The following AKAP13 variants were observed in gnomAD, a reference collection of about 807,000 sequenced individuals.
AKAP13 encodes the protein A-kinase anchor protein 13.
In AKAP13, 80 loss-of-function variants were observed where a neutral mutation model predicts 264.5. The observed-to-expected ratio is 0.30, with a 90% CI of 0.25 to 0.36. The LOEUF is 0.36. AKAP13 is among the 10% of genes least tolerant of loss of function. The pLI is 1.00. For synonymous variants in AKAP13, 1,380 were observed against 1,250.2 expected (o/e 1.10, Z -2.19); for missense variants, 3,712 against 3,435.2 (o/e 1.08, Z -2.01).
chr15:85,538,585 G>A lies in AKAP13; in HGVS notation c.478+4705G>A, dbSNP rs1231600003. Among the ~76,000 whole-genome samples, 3 of 150,648 alleles carry A rather than the reference G, an allele frequency of 2.0e-5. No individual in the cohort carries two copies. The East Asian group carries it at 5.8e-4, about 29-fold the overall frequency. On this transcript the variant is annotated intron_variant, in intron 4 of 36. Transcript: ENST00000394518. ...GCTCACTGCAAGCTCCGCCTCCCAGGTTCATGCCATTCTCCTGCCTCAGCC... is the reference window on the plus strand; with the variant it reads ...GCTCACTGCAAGCTCCGCCTCCCAGATTCATGCCATTCTCCTGCCTCAGCC...
chr15:85,407,902 TAC>T, intron 1 of AKAP13, among the ~76,000 whole-genome samples: 1 of 151,668 alleles, frequency 6.6e-6, no homozygotes, highest in East Asian at 1.9e-4. Context: ...AGGAGGCCAT[TAC>T]CATAGTTTTG....
At chr15:85,501,034 T>C (rs1288450130) in intron 2 of AKAP13, among the ~76,000 whole-genome samples, 3 of 152,114 alleles carry the variant, frequency 2.0e-5, no homozygotes, top group Non-Finnish European at 4.4e-5. Flanking sequence ...ATTGTGGGAG[T>C]ATTTCCTACC....
chr15:85,554,619 T>C (rs2078075075), intron 5 of AKAP13, among the ~76,000 whole-genome samples: 1 of 152,184 alleles, frequency 6.6e-6, no homozygotes, highest in Non-Finnish European at 1.5e-5. Context: ...ACTCAGAAGT[T>C]GCCTTCTTTT....
intron 4 of AKAP13, among the ~76,000 whole-genome samples, chr15:85,540,560 T>C (rs1363379554): frequency 6.6e-6 from 1 of 152,150 alleles, no homozygotes; most frequent in Non-Finnish European, 1.5e-5. Context: ...AAAAATGAAG[T>C]TGAGTAACTC....
chr15:85,703,221 A>G (rs1186787408), intron 17 of AKAP13, among the ~76,000 whole-genome samples: 2 of 152,240 alleles, frequency 1.3e-5, no homozygotes, highest in Non-Finnish European at 2.9e-5. Context: ...CATTGCTTAT[A>G]TGAGAGAATA....
chr15:85,673,962 A>T (rs1452186876), intron 14 of AKAP13, among the ~76,000 whole-genome samples: 7 of 151,756 alleles, frequency 4.6e-5, no homozygotes, highest in Non-Finnish European at 1.0e-4. Context: ...AAGTGCTGGG[A>T]TTACAGGCGT....
intron 8 of AKAP13, among the ~76,000 whole-genome samples, chr15:85,624,161 A>G (rs2081308120): frequency 6.6e-6 from 1 of 152,226 alleles, no homozygotes; most frequent in African/African-American, 2.4e-5. Context: ...TACTAATTTT[A>G]TAACTTTGGG....
Position 85,619,717 on chromosome 15 carries a change from G to A in AKAP13, c.4162-19657G>A, listed in dbSNP as rs149922699. 3.0e-6 allele frequency: 3 copies of A among 1,005,956 alleles called. No individual in the cohort carries two copies. The East Asian group carries it at 3.0e-4, about 101-fold the overall frequency. The allele number at this position is 1,005,956 out of a possible 1,614,324, so 62.3% of individuals were successfully genotyped here. A position where few individuals can be genotyped will look rare whatever the true frequency, so the allele number is the denominator to read the frequency against. ...GTGTATCGGCCGTTATGCTTAGCCAGTTTATTCTTTATTTTTTTACTGGAG... is the reference window on the plus strand; with the variant it reads ...GTGTATCGGCCGTTATGCTTAGCCAATTTATTCTTTATTTTTTTACTGGAG... On this transcript the variant is annotated intron_variant, in intron 8 of 36. Transcript: ENST00000394518.
intron 29 of AKAP13, among the ~76,000 whole-genome samples, chr15:85,728,366 A>C (rs992467161): frequency 3.3e-5 from 5 of 152,230 alleles, no homozygotes; most frequent in African/African-American, 1.2e-4. Context: ...AAATATGGAC[A>C]GCTTTAGACC....
At chr15:85,537,791 G>A (rs569701113) in intron 4 of AKAP13, among the ~76,000 whole-genome samples, 2 of 152,310 alleles carry the variant, frequency 1.3e-5, no homozygotes, top group East Asian at 3.9e-4. Flanking sequence ...TTCTGATAAT[G>A]TGTGCTAGTT....
chr15:85,542,877 T>C (rs921242015), intron 4 of AKAP13, among the ~76,000 whole-genome samples: 2 of 152,182 alleles, frequency 1.3e-5, no homozygotes, highest in Admixed American at 6.5e-5. Flanking sequence ...ATCTACCTCT[T>C]CTCATTTGTT....
intron 1 of AKAP13, among the ~76,000 whole-genome samples, chr15:85,399,096 T>C (rs569299145): frequency 1.3e-5 from 2 of 152,322 alleles, no homozygotes; most frequent in Admixed American, 6.5e-5. Context: ...TTCATAGATA[T>C]TGTCAAGTTG....
At chr15:85,725,083 T>A (rs1384412708) in intron 26 of AKAP13, among the ~76,000 whole-genome samples, 3 of 152,222 alleles carry the variant, frequency 2.0e-5, no homozygotes, top group Non-Finnish European at 4.4e-5. Flanking sequence ...CGCTTTATTC[T>A]TTCCTTTACA....
chr15:85,698,178 A>G (rs2085672841), intron 17 of AKAP13, among the ~76,000 whole-genome samples: 2 of 152,084 alleles, frequency 1.3e-5, no homozygotes, highest in Admixed American at 6.6e-5. Flanking sequence ...ATAAAGAGAG[A>G]ATATAAGGGC....
chr15:85,513,409 G>A (rs2076507427), intron 2 of AKAP13, among the ~76,000 whole-genome samples: 1 of 151,950 alleles, frequency 6.6e-6, no homozygotes, highest in Non-Finnish European at 1.5e-5. Context: ...AACTTTTAAT[G>A]TGGACATAAT....
intron 27 of AKAP13, 149 bp from the exon 28 acceptor site, chr15:85,726,914 TAAG>T: frequency 5.2e-6 from 4 of 765,020 alleles, no homozygotes; most frequent in Non-Finnish European, 6.3e-6. Flanking sequence ...CTGAATGAAA[TAAG>T]GAGATACTTC....
At chr15:85,404,167 A>G (rs2071561447) in intron 1 of AKAP13, among the ~76,000 whole-genome samples, 1 of 152,250 alleles carries the variant, frequency 6.6e-6, no homozygotes. Flanking sequence ...GGACTGACCA[A>G]GATTGAAGCA....
chr15:85,394,453 G>C lies in AKAP13; in HGVS notation c.-12+13655G>C, dbSNP rs75483499. ...CTTGATTCATCCCTTTGAGCATTTT[G>C]AAGGCCAGGATGTTGTTGGAGCAGA... On this transcript the variant is annotated intron_variant, in intron 1 of 36. Coordinates refer to ENST00000394518, the MANE Select transcript of AKAP13 (RefSeq NM_007200.5). 4.7e-4 allele frequency among the ~76,000 whole-genome samples: 72 copies of C among 152,346 alleles called. 1 individual carries two copies. The highest frequency in any genetic ancestry group is 1.3e-3 in the African/African-American group (56 of 41,584).
chr15:85,542,194 G>A (rs2077599882), intron 4 of AKAP13, among the ~76,000 whole-genome samples: 1 of 152,208 alleles, frequency 6.6e-6, no homozygotes, highest in South Asian at 2.1e-4. Context: ...TGCCATCTGC[G>A]CAGAGGTGTT....
Sources: allele counts gnomAD v4.1 joint callset (sites outside exome capture counted in the v4.1 genomes callset), GRCh38; gene constraint gnomAD v4.1.1; transcripts MANE v1.5; gene names NCBI Gene and HGNC (gene_info 2026-07-23, HGNC 2026-07-21).